ZNF469: variants seen among roughly 807,000 people sequenced by gnomAD.
ZNF469 encodes zinc finger protein 469.
In ZNF469, 1 loss-of-function variant was observed where a neutral mutation model predicts 1.0. The ratio of observed to expected loss-of-function variants is 1.00; its 90% confidence interval spans 0.35 to 4.73. ZNF469 has a LOEUF of 4.73. Among genes scored for constraint, ZNF469 ranks in the 30% most tolerant of loss-of-function variants. ZNF469 has a pLI of 0.16. For synonymous variants in ZNF469, 2,703 were observed against 2,363.4 expected, an observed-to-expected ratio of 1.14 and a Z score of -4.17; for missense variants, 6,100 against 5,356.3, an observed-to-expected ratio of 1.14 and a Z score of -4.33.
chr16:88,248,899 G>A, the ZNF469 span, among the ~76,000 whole-genome samples: 2 of 152,062 alleles, frequency 1.3e-5, no homozygotes, highest in Non-Finnish European at 2.9e-5. Flanking sequence ...CTCTCTGTGT[G>A]CGCACCATGG....
At chr16:88,250,273 C>T in the ZNF469 span, among the ~76,000 whole-genome samples, 1 of 152,182 alleles carries the variant, frequency 6.6e-6, no homozygotes, top group Admixed American at 6.5e-5. Flanking sequence ...GTTAGTCTCG[C>T]CTATTTGAAC....
the ZNF469 span, among the ~76,000 whole-genome samples, chr16:88,197,734 C>T: frequency 1.3e-5 from 2 of 152,328 alleles, no homozygotes; most frequent in East Asian, 1.9e-4. Flanking sequence ...GCAGGCCCCC[C>T]CAGGGCCGGA....
At chr16:88,113,026 C>T in the ZNF469 span, among the ~76,000 whole-genome samples, 1 of 152,108 alleles carries the variant, frequency 6.6e-6, no homozygotes, top group Non-Finnish European at 1.5e-5. Flanking sequence ...GATCCACCCG[C>T]CTTGGCCTCC....
At chr16:88,323,788 G>C in the ZNF469 span, among the ~76,000 whole-genome samples, 1 of 152,184 alleles carries the variant, frequency 6.6e-6, no homozygotes, top group Non-Finnish European at 1.5e-5. Flanking sequence ...CCTGGCACAT[G>C]CCAGACCGCA....
At chr16:88,406,501 G>T (rs953806388) in intron 1 of ZNF469, among the ~76,000 whole-genome samples, 2 of 152,254 alleles carry the variant, frequency 1.3e-5, no homozygotes, top group African/African-American at 4.8e-5. Context: ...GCCGCCTGCA[G>T]CTCAGCAGAG....
chr16:88,373,200 G>A, the ZNF469 span, among the ~76,000 whole-genome samples: 1 of 152,208 alleles, frequency 6.6e-6, no homozygotes, highest in Non-Finnish European at 1.5e-5. Context: ...GAGGAAACAA[G>A]ACTTGCCCAA....
the ZNF469 span, among the ~76,000 whole-genome samples, chr16:88,333,776 C>A: frequency 6.6e-6 from 1 of 150,422 alleles, no homozygotes; most frequent in Non-Finnish European, 1.5e-5. Context: ...AATAAAAACA[C>A]ACCAAGAACC....
the ZNF469 span, among the ~76,000 whole-genome samples, chr16:88,187,184 G>A: frequency 1.3e-5 from 2 of 152,058 alleles, no homozygotes; most frequent in African/African-American, 2.4e-5. Context: ...CCCTGAGCGG[G>A]TGGCGCAGGT....
the ZNF469 span, among the ~76,000 whole-genome samples, chr16:88,209,440 G>A: frequency 1.0e-3 from 158 of 151,954 alleles, no homozygotes; most frequent in African/African-American, 3.5e-3. Context: ...ACAGGTACCC[G>A]CCACCGCACC....
chr16:88,135,785 G>T, the ZNF469 span, among the ~76,000 whole-genome samples: 2 of 105,172 alleles, frequency 1.9e-5, no homozygotes, highest in East Asian at 4.9e-4. Context: ...TTTTGGGATG[G>T]AGTCTCGCTC....
At chr16:88,420,867 G>A (rs79291559) in intron 1 of ZNF469, among the ~76,000 whole-genome samples, 9,528 of 152,278 alleles carry the variant, frequency 0.063, 348 homozygotes, top group African/African-American at 0.078. Flanking sequence ...CAAGGAGTGC[G>A]GGATCTGAGA....
chr16:88,177,807 A>T, the ZNF469 span: 2 of 152,280 alleles, frequency 1.3e-5, no homozygotes, highest in African/African-American at 2.4e-5. The surrounding 1 kb of genome is among the most constrained non-coding windows in gnomAD (Gnocchi z 4.8). Context: ...TCCCGGGTTC[A>T]AGTGCTCCCC....
At chr16:88,132,452 A>ATC in the ZNF469 span, among the ~76,000 whole-genome samples, 1 of 152,178 alleles carries the variant, frequency 6.6e-6, no homozygotes, top group African/African-American at 2.4e-5. Context: ...GACTGGCCCC[A>ATC]TCTCTCCAGC....
chr16:88,385,791 C>A (rs1003983543), intron 1 of ZNF469, among the ~76,000 whole-genome samples: 1 of 152,134 alleles, frequency 6.6e-6, no homozygotes, highest in South Asian at 2.1e-4. Flanking sequence ...AGTGACCAAA[C>A]CCCTCTGGGA....
chr16:88,427,350 A>G lies in ZNF469; in HGVS notation c.-121A>G. The G allele has an allele frequency of 2.7e-6, 3 of 1,093,556 alleles. No homozygotes were observed. The highest frequency in any genetic ancestry group is 3.8e-6 in the Non-Finnish European group (3 of 794,816). The allele number at this position is 1,093,556 out of a possible 1,614,324, so 67.7% of individuals were successfully genotyped here. On this transcript the variant is annotated 5_prime_UTR_variant, in exon 3 of 3. Coordinates refer to ENST00000565624, the MANE Select transcript of ZNF469 (RefSeq NM_001367624.2). ...CCCCTGACCTTTCCTTCCAGGCTCC[A>G]CTCAGGACCATGAGCGCAGGCTTCC...
the ZNF469 span, among the ~76,000 whole-genome samples, chr16:88,110,777 G>A: frequency 6.6e-6 from 1 of 152,252 alleles, no homozygotes; most frequent in Non-Finnish European, 1.5e-5. Flanking sequence ...GTGCGGGTTG[G>A]GCAGGTGCTT....
chr16:88,176,736 C>G, the ZNF469 span, among the ~76,000 whole-genome samples: 1 of 152,260 alleles, frequency 6.6e-6, no homozygotes, highest in African/African-American at 2.4e-5. Context: ...TGCCGGCCCA[C>G]ATACAGCCCC....
the ZNF469 span, among the ~76,000 whole-genome samples, chr16:88,319,425 C>T: frequency 6.6e-6 from 1 of 152,136 alleles, no homozygotes; most frequent in Non-Finnish European, 1.5e-5. Context: ...GAGGGGGCTG[C>T]TCCCCCAGGG....
chr16:88,384,076 G>C (rs1332481033), intron 1 of ZNF469, among the ~76,000 whole-genome samples: 2 of 152,388 alleles, frequency 1.3e-5, no homozygotes, highest in South Asian at 2.1e-4. Flanking sequence ...TCCTGCAGCG[G>C]AGGCGGTTAA....
Sources: allele counts gnomAD v4.1 joint callset (sites outside exome capture counted in the v4.1 genomes callset), GRCh38; gene constraint gnomAD v4.1.1; non-coding constraint Gnocchi (gnomAD v3.1); transcripts MANE v1.5; gene names NCBI Gene and HGNC (gene_info 2026-07-23, HGNC 2026-07-21).